Variants in TNS3 observed in about 807,000 individuals in gnomAD.
The protein encoded by TNS3 is tensin-3.
Under a neutral mutation model 140.9 loss-of-function variants are expected in TNS3, and 45 were observed. The observed-to-expected ratio is 0.32, with a 90% CI of 0.25 to 0.41. TNS3 has a LOEUF of 0.41. Among genes scored for constraint, TNS3 ranks in the 10% least tolerant of loss-of-function variants. The pLI is 1.00. For synonymous variants in TNS3, 815 were observed against 788.4 expected, an observed-to-expected ratio of 1.03 and a Z score of -0.56; for missense variants, 1,716 against 1,906.7, an observed-to-expected ratio of 0.90 and a Z score of 1.86.
intron 20 of TNS3, among the ~76,000 whole-genome samples, chr7:47,322,261 C>T (rs572282960): frequency 5.3e-4 from 79 of 149,474 alleles, no homozygotes; most frequent in African/African-American, 1.8e-3. Context: ...CAGTGGCTCA[C>T]GCCTGTAATC....
intron 8 of TNS3, among the ~76,000 whole-genome samples, chr7:47,431,698 C>T (rs1794939886): frequency 6.6e-6 from 1 of 152,006 alleles, no homozygotes. Context: ...AGAGCAGAAA[C>T]AAATAAAGGA....
chr7:47,311,411 TG>T (rs1787091467), intron 20 of TNS3, among the ~76,000 whole-genome samples: 1 of 120,730 alleles, frequency 8.3e-6, no homozygotes, highest in Non-Finnish European at 2.0e-5. Context: ...TGTGTGTGTG[TG>T]TGTGTGTGTG....
chr7:47,290,078 A>G (rs532302668), intron 27 of TNS3, among the ~76,000 whole-genome samples: 1 of 152,210 alleles, frequency 6.6e-6, no homozygotes, highest in African/African-American at 2.4e-5. Context: ...GTAGACCCAC[A>G]TGAATATAGT....
intron 1 of TNS3, among the ~76,000 whole-genome samples, chr7:47,555,446 T>C (rs1232100286): frequency 6.6e-6 from 1 of 150,518 alleles, no homozygotes; most frequent in Non-Finnish European, 1.5e-5. Flanking sequence ...ATTGTGTAAA[T>C]GTAATAAAGC....
chr7:47,579,843 C>G (rs1784486815), intron 1 of TNS3: 1 of 985,292 alleles, frequency 1.0e-6, no homozygotes, highest in South Asian at 4.7e-5. Flanking sequence ...ACTCACTGTT[C>G]TTGCCATACT....
intron 17 of TNS3, among the ~76,000 whole-genome samples, chr7:47,367,817 C>T (rs577740037): frequency 6.6e-6 from 1 of 152,226 alleles, no homozygotes; most frequent in Non-Finnish European, 1.5e-5. Flanking sequence ...CACACCACCA[C>T]GGCCAACTCT....
At chr7:47,505,457 T>C (rs1798379556) in intron 3 of TNS3, among the ~76,000 whole-genome samples, 1 of 151,662 alleles carries the variant, frequency 6.6e-6, no homozygotes, top group South Asian at 2.1e-4. Context: ...CAGAGCAGGG[T>C]GGAAAGCAAG....
At position 47,368,588 on chromosome 7, in the gene TNS3, G is replaced by C; in HGVS notation, c.2058C>G (p.Pro686=). 1.3e-6 allele frequency: 2 copies of C among 1,573,470 alleles called. No individual in the cohort carries two copies. The highest frequency in any genetic ancestry group is 1.7e-6 in the Non-Finnish European group (2 of 1,157,410). ...TGTCCAGGGTGGGCGAGCCTGGGGA[G>C]GGGCCTGTGCTCAGCTCTGGGCCGG... ...NGAGPELSTG[P]SPGSPTLDID... is the part of the protein sequence containing the mutation. The change falls in exon 17 of 31, where the codon CCC becomes CCG. Residue 686 remains proline, a synonymous_variant. Transcript: ENST00000311160.
At chr7:47,386,890 T>A (rs904405477) in intron 16 of TNS3, among the ~76,000 whole-genome samples, 3 of 152,222 alleles carry the variant, frequency 2.0e-5, no homozygotes, top group Non-Finnish European at 2.9e-5. Flanking sequence ...ATCCCTGCAA[T>A]CTGTGCTATG....
chr7:47,541,065 C>T (rs887377306), intron 1 of TNS3, among the ~76,000 whole-genome samples: 1 of 152,152 alleles, frequency 6.6e-6, no homozygotes, highest in Non-Finnish European at 1.5e-5. Context: ...ACCTCAGCCT[C>T]GGGCAACAGC....
intron 16 of TNS3, among the ~76,000 whole-genome samples, chr7:47,396,270 AT>A (rs1175672259): frequency 6.6e-6 from 1 of 152,112 alleles, no homozygotes; most frequent in African/African-American, 2.4e-5. Flanking sequence ...CTATGACCCA[AT>A]GTGCATATTA....
At chr7:47,507,098 C>T (rs1159358702) in intron 2 of TNS3, among the ~76,000 whole-genome samples, 154 bp from the exon 3 acceptor site, 5 of 152,174 alleles carry the variant, frequency 3.3e-5, no homozygotes, top group African/African-American at 1.2e-4. Flanking sequence ...ACATATGACA[C>T]ACGGCAGTGT....
At chr7:47,530,450 G>C (rs1190279096) in intron 1 of TNS3, among the ~76,000 whole-genome samples, 2 of 152,014 alleles carry the variant, frequency 1.3e-5, no homozygotes, top group African/African-American at 4.8e-5. Context: ...GGGCAGGGAA[G>C]GGGGGATATT....
chr7:47,527,213 G>A (rs545233980), intron 2 of TNS3, among the ~76,000 whole-genome samples: 8 of 152,030 alleles, frequency 5.3e-5, no homozygotes, highest in Non-Finnish European at 7.4e-5. Flanking sequence ...CTGCAGCCTG[G>A]GTGACAGAGC....
intron 4 of TNS3, among the ~76,000 whole-genome samples, chr7:47,454,128 G>A (rs1236790012): frequency 1.3e-5 from 2 of 152,216 alleles, no homozygotes; most frequent in African/African-American, 2.4e-5. Context: ...CAGTGGGCAG[G>A]GTGTTCTGGG....
At position 47,368,684 on chromosome 7, in the gene TNS3, AG is replaced by A; in HGVS notation, c.1961del (p.Pro654LeufsTer22). ...QRGVGSGPHP[P>X]DTQQPSPSKA... ...TGCTGGGAGAGGGCTGCTGTGTGTC[AG>A]GGGGATGTGGCCCACTGCCTACACC... On this transcript the variant is annotated frameshift_variant, in exon 17 of 31. Coordinates refer to ENST00000311160, the MANE Select transcript of TNS3 (RefSeq NM_022748.12). LOFTEE classifies it high-confidence loss of function. 2 of 1,594,740 alleles carry A rather than the reference AG, an allele frequency of 1.3e-6. No individual in the cohort carries two copies. The highest frequency in any genetic ancestry group is 1.1e-5 in the South Asian group (1 of 87,152).
intron 16 of TNS3, among the ~76,000 whole-genome samples, chr7:47,389,086 G>GAAGAA (rs1290389805): frequency 1.9e-5 from 1 of 52,360 alleles, no homozygotes; most frequent in Non-Finnish European, 3.1e-5. Flanking sequence ...AAGAAGAAGA[G>GAAGAA]GAAGAGGAAG....
chr7:47,486,875 T>C (rs997578478), intron 3 of TNS3, among the ~76,000 whole-genome samples: 1 of 152,254 alleles, frequency 6.6e-6, no homozygotes, highest in Non-Finnish European at 1.5e-5. Flanking sequence ...ATATTCTGTA[T>C]AAACATGCAT....
At chr7:47,540,111 CT>C (rs1799741827) in intron 1 of TNS3, among the ~76,000 whole-genome samples, 1 of 152,198 alleles carries the variant, frequency 6.6e-6, no homozygotes, top group Non-Finnish European at 1.5e-5. Flanking sequence ...GTGCTTTTTA[CT>C]CGCCAGGTTG....
Sources: gnomAD v4.1 joint callset for allele counts (sites outside exome capture counted in the v4.1 genomes callset) on GRCh38, gnomAD v4.1.1 for gene constraint, MANE v1.5 for transcripts, NCBI Gene and HGNC (gene_info 2026-07-23, HGNC 2026-07-21) for gene names.